BRWD3: variants seen among roughly 807,000 people sequenced by gnomAD.
BRWD3 encodes bromodomain and WD repeat domain containing 3.
In BRWD3, 10 loss-of-function variants were observed where a neutral mutation model predicts 149.7. The ratio of observed to expected loss-of-function variants is 0.07; its 90% CI spans 0.04 to 0.11. The LOEUF is 0.11. Among genes scored for constraint, BRWD3 ranks in the 10% least tolerant of loss-of-function variants. The pLI is 1.00. For missense variants in BRWD3, 940 were observed against 1,373.2 expected, an observed-to-expected ratio of 0.68 and a Z score of 4.99; for synonymous variants, 504 against 456.7, an observed-to-expected ratio of 1.10 and a Z score of -1.32.
At chrX:80,735,102 C>G in intron 10 of BRWD3, 25 bp downstream of exon 10, 1 of 1,148,443 alleles carries the variant, frequency 8.7e-7, no homozygotes. Context: ...TCTAGATGCT[C>G]AAAACATTCC....
At chrX:80,680,458 CT>C (rs1261135087) in intron 40 of BRWD3, among the ~76,000 whole-genome samples, 1 of 112,055 alleles carries the variant, frequency 8.9e-6, no homozygotes, top group African/African-American at 3.2e-5. Context: ...GAAGGTTCTT[CT>C]GAGAATGCCT....
At chrX:80,803,009 G>A (rs762543761) in intron 4 of BRWD3, among the ~76,000 whole-genome samples, 44 of 108,321 alleles carry the variant, frequency 4.1e-4, no homozygotes, top group Non-Finnish European at 6.5e-4. Flanking sequence ...GGCTGAGGCA[G>A]GAGAATGGCG....
chrX:80,754,781 C>T (rs1602396909), intron 6 of BRWD3, among the ~76,000 whole-genome samples: 1 of 111,848 alleles, frequency 8.9e-6, no homozygotes, highest in African/African-American at 3.2e-5. Flanking sequence ...CTGAGGCAGG[C>T]AGATCACTTG....
chrX:80,687,919 C>T, intron 34 of BRWD3, 150 bp downstream of exon 34: 1 of 487,730 alleles, frequency 2.1e-6, no homozygotes, highest in Admixed American at 3.1e-5. Context: ...CTTACTGCAT[C>T]ACTCTAATAA....
At chrX:80,748,175 G>C (rs1372355687) in intron 6 of BRWD3, among the ~76,000 whole-genome samples, 28 of 110,496 alleles carry the variant, frequency 2.5e-4, no homozygotes, top group Non-Finnish European at 1.3e-4. Flanking sequence ...CTTATGTTGA[G>C]ATTTTATCAT....
chrX:80,701,309 A>G (rs2072783728), intron 24 of BRWD3, among the ~76,000 whole-genome samples: 1 of 109,895 alleles, frequency 9.1e-6, no homozygotes, highest in Non-Finnish European at 1.9e-5. Flanking sequence ...GTACTTTGGG[A>G]GGCCGAGATT....
chrX:80,687,638 C>T (rs45496995), intron 34 of BRWD3, among the ~76,000 whole-genome samples: 9,271 of 110,447 alleles, frequency 0.084, 377 homozygotes, highest in South Asian at 0.19. Context: ...CAGTTTACTG[C>T]ACCTAGACAG....
intron 25 of BRWD3, 81 bp downstream of exon 25, chrX:80,699,876 A>G: frequency 1.5e-6 from 1 of 684,299 alleles, no homozygotes; most frequent in East Asian, 3.5e-5. Flanking sequence ...TATGCATAAA[A>G]CTGAGGGGAA....
chrX:80,713,148 T>A (rs1406602400), intron 20 of BRWD3, among the ~76,000 whole-genome samples: 2 of 108,960 alleles, frequency 1.8e-5, no homozygotes, highest in Non-Finnish European at 3.8e-5. Flanking sequence ...TACTGGGAAG[T>A]GAGGAGCCCC....
rs373848488 is a variant in BRWD3 at position 80,734,099 on chromosome X, G to C, written c.1086+19C>G. ...AAGGATGTTCAAAAATAAAGCAACCGTTTCTGATTTTCTCTTACCGTATGT... is the reference window on the plus strand; with the variant it reads ...AAGGATGTTCAAAAATAAAGCAACCCTTTCTGATTTTCTCTTACCGTATGT... On this transcript the variant is annotated intron_variant, in intron 11 of 40. Transcript: ENST00000373275. 9.6e-7 allele frequency: 1 copy of C among 1,045,247 alleles called. No individual in the cohort carries two copies. Among genetic ancestry groups the C allele is most frequent in the Non-Finnish European group, 1.3e-6 (1 of 744,532 alleles). 86.1% of individuals were successfully genotyped at this position (1,045,247 alleles called of 1,213,427 possible). A position where few individuals can be genotyped will look rare whatever the true frequency, so the allele number is the denominator to read the frequency against.
intron 6 of BRWD3, among the ~76,000 whole-genome samples, chrX:80,756,232 C>T (rs759585063): frequency 2.0e-3 from 215 of 110,098 alleles, no homozygotes; most frequent in African/African-American, 5.3e-3. Flanking sequence ...GAAATAACGT[C>T]GGCTCATGCC....
intron 3 of BRWD3, 70 bp downstream of exon 3, chrX:80,808,943 C>T: frequency 3.6e-6 from 4 of 1,104,562 alleles, no homozygotes; most frequent in Non-Finnish European, 4.9e-6. Flanking sequence ...CGTCTTCCGC[C>T]CCTGACTTGC....
intron 6 of BRWD3, among the ~76,000 whole-genome samples, chrX:80,787,596 A>C (rs1271173332): frequency 9.0e-6 from 1 of 110,749 alleles, no homozygotes; most frequent in Admixed American, 9.7e-5. Flanking sequence ...AAATGAATTC[A>C]ATCTAAACCA....
intron 6 of BRWD3, among the ~76,000 whole-genome samples, chrX:80,777,600 C>T (rs2074012619): frequency 9.1e-6 from 1 of 110,310 alleles, no homozygotes; most frequent in Non-Finnish European, 1.9e-5. Flanking sequence ...GGTCTCACCA[C>T]GCTGCCCAGG....
At position 80,681,820 on chromosome X, in the gene BRWD3, A is replaced by G. The variant is rs1179773890; in HGVS notation, c.4495+177T>C. 3.6e-5 allele frequency among the ~76,000 whole-genome samples: 4 copies of G among 112,002 alleles called. No individual in the cohort carries two copies. The South Asian group carries it at 1.1e-3, about 31-fold the overall frequency. On this transcript the variant is annotated intron_variant, in intron 39 of 40. Coordinates refer to ENST00000373275, the MANE Select transcript of BRWD3 (RefSeq NM_153252.5). ...TAGTCTAATAAAGAAAAGGAATCATATGGCCTAATGTCATACTCAGGGACA... is the reference window on the plus strand; with the variant it reads ...TAGTCTAATAAAGAAAAGGAATCATGTGGCCTAATGTCATACTCAGGGACA...
rs199500831 is a variant in BRWD3, at chrX:80,725,993, C to CAT, written c.1387-928_1387-927dup. ...GTTTACATGTTATATGTCTATATAACATAACATGTTTACATGTTATATGTC... is the reference window on the plus strand; with the variant it reads ...GTTTACATGTTATATGTCTATATAACATATAACATGTTTACATGTTATATGTC... On this transcript the variant is annotated intron_variant, in intron 14 of 40. Transcript: ENST00000373275. Among the ~76,000 whole-genome samples, 665 of 96,462 alleles carry CAT rather than the reference C, an allele frequency of 6.9e-3. 12 individuals are homozygous for CAT. The highest frequency in any genetic ancestry group is 0.025 in the African/African-American group (631 of 25,202). 83.8% of individuals were successfully genotyped at this position (96,462 alleles called of 115,157 possible). A position where few individuals can be genotyped will look rare whatever the true frequency, so the allele number is the denominator to read the frequency against.
chrX:80,718,680 A>C (rs2073105227), intron 18 of BRWD3, among the ~76,000 whole-genome samples: 1 of 111,769 alleles, frequency 8.9e-6, no homozygotes, highest in Non-Finnish European at 1.9e-5. Flanking sequence ...AATGAGTAAA[A>C]TACCCTGTGA....
chrX:80,711,099 A>AT (rs1461853161), intron 20 of BRWD3, among the ~76,000 whole-genome samples: 1 of 112,110 alleles, frequency 8.9e-6, no homozygotes, highest in African/African-American at 3.2e-5. Context: ...GAAGCAAGAC[A>AT]TTTCAGTCAT....
chrX:80,693,232 C>A (rs960244059), intron 27 of BRWD3, among the ~76,000 whole-genome samples, 181 bp from the exon 28 acceptor site: 1 of 111,655 alleles, frequency 9.0e-6, no homozygotes, highest in Non-Finnish European at 1.9e-5. Context: ...TTTTGATTTC[C>A]AAGTGGTAGA....
Sources: gnomAD v4.1 joint callset for allele counts (sites outside exome capture counted in the v4.1 genomes callset) on GRCh38, gnomAD v4.1.1 for gene constraint, MANE v1.5 for transcripts, NCBI Gene and HGNC (gene_info 2026-07-23, HGNC 2026-07-21) for gene names.